Variants in SMC2 observed in about 807,000 individuals in gnomAD.
The protein encoded by SMC2 is structural maintenance of chromosomes 2.
A neutral mutation model predicts 142.6 loss-of-function variants in SMC2; 41 were observed. The ratio of observed to expected loss-of-function variants is 0.29; its 90% CI spans 0.22 to 0.37. The LOEUF (loss-of-function observed/expected upper bound fraction) is 0.37, where lower values mean the gene tolerates loss of function less well. Among genes scored for constraint, SMC2 ranks in the 10% least tolerant of loss-of-function variants. The probability of loss-of-function intolerance (pLI) is 1.00; values close to 1 mark genes in which losing one functional copy is unlikely to be tolerated. For synonymous variants in SMC2, 463 were observed against 457.5 expected (o/e 1.01, Z -0.15); for missense variants, 1,265 against 1,373.7 (o/e 0.92, Z 1.25).
chr9:104,100,099 T>C lies in SMC2; in HGVS notation c.487T>C (p.Ser163Pro). ...VLNMKPPEIL[S>P]MIEEAAGTRM... is the part of the protein sequence containing the mutation. The stretch of plus-strand genomic sequence containing the variant: ...AATAAAATTGTCATTCCAGATTTTA[T>C]CCATGATAGAAGAAGCAGCTGGAAC... Residue 163 changes from serine to proline, a missense_variant, in exon 6 of 25, where the codon TCC becomes CCC. Coordinates refer to ENST00000374793, the MANE Select transcript of SMC2 (RefSeq NM_006444.3). 6.5e-7 allele frequency: 1 copy of C among 1,531,738 alleles called. No individual in the cohort carries two copies. The highest frequency in any genetic ancestry group is 8.9e-7 in the Non-Finnish European group (1 of 1,128,612). The allele number at this position is 1,531,738 out of a possible 1,614,324, so 94.9% of individuals were successfully genotyped here. A position where few individuals can be genotyped will look rare whatever the true frequency, so the allele number is the denominator to read the frequency against.
rs1329499202 is a variant in SMC2, at chr9:104,095,432, G to A, written c.48G>A (p.Gln16=). Residue 16 remains glutamine (Q), a synonymous_variant, in exon 2 of 25, where the codon CAG becomes CAA. Coordinates refer to ENST00000374793, the MANE Select transcript of SMC2 (RefSeq NM_006444.3). ...TAGAGGGATTCAAGTCCTATGCTCA[G>A]AGGACCGAAGTCAATGGTTTTGACC... ...IILEGFKSYA[Q]RTEVNGFDPL... is the part of the protein sequence containing the mutation. The A allele has an allele frequency of 8.1e-6, 13 of 1,613,778 alleles. No homozygotes were observed. The highest frequency in any genetic ancestry group is 6.8e-6 in the Non-Finnish European group (8 of 1,179,896).
chr9:104,105,038 A>T (rs1831591851), intron 9 of SMC2, among the ~76,000 whole-genome samples: 2 of 152,246 alleles, frequency 1.3e-5, no homozygotes, highest in African/African-American at 4.8e-5. Flanking sequence ...ATCTAGATAC[A>T]GCAGGAAGTG....
chr9:104,126,892 T>C, intron 19 of SMC2, 108 bp downstream of exon 19: 3 of 1,081,858 alleles, frequency 2.8e-6, no homozygotes, highest in Non-Finnish European at 3.9e-6. Flanking sequence ...CTCGTCATCA[T>C]GAGAGAATGA....
chr9:104,119,977 T>C lies in SMC2; in HGVS notation c.1997-50T>C, dbSNP rs779377465. On this transcript the variant is annotated intron_variant, in intron 15 of 24. Transcript: ENST00000374793. ...TCTTAGAAGACTTTTTATTGTGTAG[T>C]ACATACCTGGTAACAATGTGGAAGA... 3.1e-6 allele frequency: 5 copies of C among 1,589,856 alleles called. No individual in the cohort carries two copies. In the South Asian group the frequency reaches 5.6e-5, roughly 18 times the overall value.
chr9:104,113,385 A>G lies in SMC2; in HGVS notation c.1324A>G (p.Ser442Gly), dbSNP rs773178865. The change falls in exon 11 of 25, where the codon AGT becomes GGT. Residue 442 changes from serine to glycine, a missense_variant. Transcript: ENST00000374793. ...ACAAGCTGAAGTTAAGAAGATGGAT[A>G]GTGGCTACAGGAAGGATCAAGAAGC... ...NKQAEVKKMDSGYRKDQEALE... is the reference protein window; with the variant it reads ...NKQAEVKKMDGGYRKDQEALE... 1.2e-6 allele frequency: 2 copies of G among 1,612,144 alleles called. No individual in the cohort carries two copies. The highest frequency in any genetic ancestry group is 1.1e-5 in the South Asian group (1 of 90,894).
chr9:104,124,191 A>G (rs1176414863), intron 17 of SMC2, among the ~76,000 whole-genome samples: 1 of 152,180 alleles, frequency 6.6e-6, no homozygotes, highest in Non-Finnish European at 1.5e-5. Flanking sequence ...TCCTGGGTTC[A>G]GGTGCCTTCC....
chr9:104,113,966 A>G lies in SMC2; in HGVS notation c.1417A>G (p.Asn473Asp), dbSNP rs1832787802. Residue 473 changes from asparagine (N) to aspartate (D), a missense_variant and splice_region_variant, in exon 12 of 25, where the codon AAT becomes GAT. By Grantham distance (23) the Asn-to-Asp change is conservative (BLOSUM62 1). Coordinates refer to ENST00000374793, the MANE Select transcript of SMC2 (RefSeq NM_006444.3). Reference sequence around the variant, plus strand: ...ATTTATTATGATTTATCCTTCAGAAAATAAAGAGGAAAGCCTTTTGGAAAA... The same window carrying G: ...ATTTATTATGATTTATCCTTCAGAAGATAAAGAGGAAAGCCTTTTGGAAAA... ...AEMKKLNYEE[N>D]KEESLLEKRR... is the part of the protein sequence containing the mutation. 1 of 1,555,648 alleles carries G rather than the reference A, an allele frequency of 6.4e-7. No individual in the cohort carries two copies. Among genetic ancestry groups the G allele is most frequent in the African/African-American group, 1.4e-5 (1 of 71,780 alleles).
intron 20 of SMC2, among the ~76,000 whole-genome samples, chr9:104,127,733 G>A (rs1321014504): frequency 6.6e-6 from 1 of 152,024 alleles, no homozygotes; most frequent in East Asian, 1.9e-4. Flanking sequence ...CAAATGTTTA[G>A]TGGTCTCCCA....
chr9:104,101,083 G>A (rs1430575884), intron 7 of SMC2, among the ~76,000 whole-genome samples: 1 of 152,046 alleles, frequency 6.6e-6, no homozygotes. Context: ...GACTACAGGT[G>A]CATGCCACCA....
chr9:104,127,734 TG>T (rs1834472845), intron 20 of SMC2, among the ~76,000 whole-genome samples: 1 of 152,170 alleles, frequency 6.6e-6, no homozygotes, highest in Non-Finnish European at 1.5e-5. Context: ...AAATGTTTAG[TG>T]GTCTCCCATG....
rs532833355 is a variant in SMC2 at position 104,098,609 on chromosome 9, T to C, written c.441+41T>C. Reference sequence around the variant, plus strand: ...TCTTTATATCACTTTCGTAATAGTTTCGACATTTTTTACTTTTAAGCAATT... The same window carrying C: ...TCTTTATATCACTTTCGTAATAGTTCCGACATTTTTTACTTTTAAGCAATT... On this transcript the variant is annotated intron_variant, in intron 4 of 24. Transcript: ENST00000374793. The C allele has an allele frequency of 1.3e-5, 20 of 1,559,282 alleles. No individual in the cohort carries two copies. The East Asian group carries it at 4.6e-4, about 36-fold the overall frequency.
Position 104,111,539 on chromosome 9 carries a change from T to G in SMC2, c.1021-42T>G, listed in dbSNP as rs1362426257. ...ATGCGTATAAGAAAGTGGGTGTTTT[T>G]CCTGAAATATAATATTTTTCCATTT... is the stretch of plus-strand genomic sequence containing the variant. On this transcript the variant is annotated intron_variant, in intron 9 of 24. Transcript: ENST00000374793. The G allele has an allele frequency of 2.2e-6, 3 of 1,391,066 alleles. No homozygotes were observed. In the African/African-American group the frequency reaches 4.3e-5, roughly 20 times the overall value. The allele number at this position is 1,391,066 out of a possible 1,614,324, so 86.2% of individuals were successfully genotyped here. A position where few individuals can be genotyped will look rare whatever the true frequency, so the allele number is the denominator to read the frequency against.
the SMC2 span, among the ~76,000 whole-genome samples, chr9:104,088,354 T>C: frequency 6.6e-6 from 1 of 152,142 alleles, no homozygotes; most frequent in Non-Finnish European, 1.5e-5. Context: ...ATTTATTAAA[T>C]ATCTACTATG....
intron 9 of SMC2, among the ~76,000 whole-genome samples, chr9:104,103,241 A>G (rs558152135): frequency 2.0e-5 from 3 of 152,128 alleles, no homozygotes; most frequent in South Asian, 4.1e-4. Flanking sequence ...CCTGGAGTCC[A>G]GGTAAAAAAG....
Position 104,095,533 on chromosome 9 carries a change from G to A in SMC2, c.149G>A (p.Gly50Asp). ...NILDSICFLLGISNLSQVRAS... is the reference protein window; with the variant it reads ...NILDSICFLLDISNLSQVRAS... ...TTGGACTCCATCTGCTTTTTGCTGG[G>A]CATCTCCAACCTGTCTCAGGTAAAG... The change falls in exon 2 of 25, where the codon GGC becomes GAC. Residue 50 changes from glycine (G) to aspartate (D), a missense_variant. By Grantham distance (94) the Gly-to-Asp change is moderately conservative (BLOSUM62 -1). Transcript: ENST00000374793. The A allele has an allele frequency of 1.2e-6, 2 of 1,613,850 alleles. No individual in the cohort carries two copies. Among genetic ancestry groups the A allele is most frequent in the Non-Finnish European group, 1.7e-6 (2 of 1,179,780 alleles).
intron 5 of SMC2, 28 bp from the exon 6 acceptor site, chr9:104,100,065 C>T: frequency 8.0e-7 from 1 of 1,256,658 alleles, no homozygotes; most frequent in Non-Finnish European, 1.1e-6. Context: ...GTCTTGGATA[C>T]TAAACATTAA....
At chr9:104,138,311 T>G (rs7848863) in intron 24 of SMC2, 146 bp downstream of exon 24, 14,574 of 614,242 alleles carry the variant, frequency 0.024, 897 homozygotes, top group African/African-American at 0.18. Context: ...GACTTATGTT[T>G]AAATAGGTAT....
intron 21 of SMC2, among the ~76,000 whole-genome samples, chr9:104,131,799 G>A (rs1233412729): frequency 6.6e-6 from 1 of 151,772 alleles, no homozygotes; most frequent in African/African-American, 2.4e-5. Context: ...TTTGTTAAGA[G>A]TGTGTATATG....
intron 16 of SMC2, among the ~76,000 whole-genome samples, chr9:104,122,124 T>G (rs1047682852): frequency 6.6e-6 from 1 of 152,230 alleles, no homozygotes; most frequent in Non-Finnish European, 1.5e-5. Context: ...TTCTGTGATA[T>G]GTGGAAGCTC....
Sources: allele counts gnomAD v4.1 joint callset (sites outside exome capture counted in the v4.1 genomes callset), GRCh38; gene constraint gnomAD v4.1.1; transcripts MANE v1.5; gene names NCBI Gene and HGNC (gene_info 2026-07-23, HGNC 2026-07-21).